The following KSR2 variants were observed in gnomAD, a reference collection of about 807,000 sequenced individuals.
KSR2 encodes kinase suppressor of ras 2.
A neutral mutation model predicts 107.8 loss-of-function variants in KSR2; 25 were observed. That is an observed-to-expected ratio of 0.23 (90% CI 0.17 to 0.32). The LOEUF is 0.32. KSR2 is among the 10% of genes least tolerant of loss of function. The pLI is 1.00. For synonymous variants in KSR2, 480 were observed against 507.0 expected, an observed-to-expected ratio of 0.95 and a Z score of 0.71; for missense variants, 887 against 1,268.9, an observed-to-expected ratio of 0.70 and a Z score of 4.57.
Position 117,466,745 on chromosome 12 carries a change from C to A in KSR2, c.*454G>T, listed in dbSNP as rs1871164363. The A allele has an allele frequency of 6.3e-6, 1 of 158,378 alleles. No individual in the cohort carries two copies. The highest frequency in any genetic ancestry group is 1.4e-5 in the Non-Finnish European group (1 of 72,008). 9.8% of individuals were successfully genotyped at this position (158,378 alleles called of 1,614,324 possible). ...TGGAACCTACCACATACAGACAGAA[C>A]TGAGGAGTGCCCCGTCATTGGGACA... On this transcript the variant is annotated 3_prime_UTR_variant, in exon 20 of 20. Coordinates refer to ENST00000339824, the MANE Select transcript of KSR2 (RefSeq NM_173598.6).
chr12:117,766,350 T>A (rs987906646), intron 3 of KSR2, among the ~76,000 whole-genome samples: 1 of 152,050 alleles, frequency 6.6e-6, no homozygotes, highest in African/African-American at 2.4e-5. Context: ...GAGGCAAATC[T>A]ATAGAGAAAG....
At chr12:117,870,019 T>C (rs375400101) in intron 1 of KSR2, among the ~76,000 whole-genome samples, 4 of 152,214 alleles carry the variant, frequency 2.6e-5, no homozygotes, top group African/African-American at 4.8e-5. Flanking sequence ...CACAGAGCTA[T>C]TGAAATGGGA....
chr12:117,692,656 G>A (rs1383111029), intron 4 of KSR2, among the ~76,000 whole-genome samples: 1 of 151,536 alleles, frequency 6.6e-6, no homozygotes, highest in Non-Finnish European at 1.5e-5. Context: ...CAACCCAAAT[G>A]TCCATCAACA....
intron 4 of KSR2, among the ~76,000 whole-genome samples, chr12:117,708,132 C>T (rs188745641): frequency 5.3e-5 from 8 of 152,304 alleles, no homozygotes; most frequent in Admixed American, 1.3e-4. Flanking sequence ...CATTCTTGAG[C>T]GTTTCATGTG....
intron 4 of KSR2, among the ~76,000 whole-genome samples, chr12:117,706,287 G>A (rs1010817963): frequency 3.3e-5 from 5 of 151,670 alleles, no homozygotes; most frequent in African/African-American, 9.7e-5. Context: ...CAGGTGATCC[G>A]CCTGCCTCGG....
intron 5 of KSR2, among the ~76,000 whole-genome samples, chr12:117,592,940 T>C (rs756876594): frequency 1.3e-4 from 20 of 152,228 alleles, no homozygotes; most frequent in Non-Finnish European, 7.3e-5. Context: ...TGAGACATGT[T>C]TGAAAACTTA....
intron 5 of KSR2, among the ~76,000 whole-genome samples, chr12:117,623,660 T>C (rs1882313798): frequency 6.6e-6 from 1 of 152,258 alleles, no homozygotes; most frequent in Admixed American, 6.5e-5. Flanking sequence ...TCCAAGTCTT[T>C]GCTATTGTGA....
At chr12:117,960,657 T>A (rs1444103477) in intron 1 of KSR2, among the ~76,000 whole-genome samples, 2 of 152,190 alleles carry the variant, frequency 1.3e-5, no homozygotes. Flanking sequence ...CATACCTAAC[T>A]GCAGGCATCT....
intron 5 of KSR2, among the ~76,000 whole-genome samples, chr12:117,586,863 C>CCAGAACAGG (rs1339195591): frequency 7.9e-5 from 12 of 152,090 alleles, no homozygotes; most frequent in Non-Finnish European, 1.5e-4. Context: ...CAAGTAAATG[C>CCAGAACAGG]CAGAACAGGG....
At chr12:117,492,534 G>T (rs557455706) in intron 14 of KSR2, among the ~76,000 whole-genome samples, 10 of 152,314 alleles carry the variant, frequency 6.6e-5, no homozygotes, top group African/African-American at 2.4e-4. Context: ...TGCATCTCAT[G>T]GGGGCACAGG....
At chr12:117,583,755 ACG>A (rs1445368551) in intron 5 of KSR2, among the ~76,000 whole-genome samples, 2 of 152,244 alleles carry the variant, frequency 1.3e-5, no homozygotes, top group East Asian at 3.9e-4. Context: ...CTGTGAAACA[ACG>A]GCAGCAAGGA....
chr12:117,484,524 C>T lies in KSR2; in HGVS notation c.2342G>A (p.Gly781Glu). ...TGACTTGAGGTCCTTGTGTAGGATT[C>T]CCTTGGCGTGGAGGTAGCCCATGCC... ...VKGMGYLHAK[G>E]ILHKDLKSKN... The change falls in exon 16 of 20, where the codon GGA becomes GAA. Residue 781 changes from glycine to glutamate, a missense_variant. Transcript: ENST00000339824. The T allele has an allele frequency of 3.7e-6, 6 of 1,613,954 alleles. No individual in the cohort carries two copies. Among genetic ancestry groups the T allele is most frequent in the Non-Finnish European group, 5.1e-6 (6 of 1,179,854 alleles).
intron 4 of KSR2, among the ~76,000 whole-genome samples, chr12:117,723,915 A>G (rs1244383823): frequency 2.6e-5 from 4 of 152,204 alleles, no homozygotes; most frequent in East Asian, 1.9e-4. Flanking sequence ...TCACATTTTG[A>G]TAAGTATTTT....
intron 5 of KSR2, among the ~76,000 whole-genome samples, chr12:117,644,958 C>T (rs1202399450): frequency 1.3e-5 from 2 of 152,162 alleles, no homozygotes; most frequent in Admixed American, 6.5e-5. Context: ...CGCTTGATTG[C>T]AACCCAGTTG....
At chr12:117,803,302 A>T (rs1757753450) in intron 3 of KSR2, among the ~76,000 whole-genome samples, 1 of 152,228 alleles carries the variant, frequency 6.6e-6, no homozygotes, top group Non-Finnish European at 1.5e-5. Flanking sequence ...TGAAGGCCAC[A>T]GAGAAAAGAG....
rs55981634 is a variant in KSR2 at position 117,636,952 on chromosome 12, TA to T, written c.1171+30521del. On this transcript the variant is annotated intron_variant, in intron 5 of 19. Transcript: ENST00000339824. ...TACTTTTTTAGTTTCTAAAAGTCAATAAAAAAAAAGAGAGGTAATTTAATAG... is the reference window on the plus strand; with the variant it reads ...TACTTTTTTAGTTTCTAAAAGTCAATAAAAAAAAGAGAGGTAATTTAATAG... 1.3e-3 allele frequency among the ~76,000 whole-genome samples: 196 copies of T among 149,440 alleles called. 3 individuals are homozygous for T. Among genetic ancestry groups the T allele is most frequent in the Middle Eastern group, 3.4e-3 (1 of 292 alleles).
At chr12:117,648,961 T>G (rs1354460560) in intron 5 of KSR2, among the ~76,000 whole-genome samples, 1 of 152,198 alleles carries the variant, frequency 6.6e-6, no homozygotes, top group Non-Finnish European at 1.5e-5. Flanking sequence ...CAGCTGAATG[T>G]CTACGCTGCC....
intron 16 of KSR2, among the ~76,000 whole-genome samples, chr12:117,478,956 T>C (rs10735107): frequency 0.5 from 75,262 of 151,908 alleles, 19,127 homozygotes; most frequent in South Asian, 0.76. Flanking sequence ...AGATAGAAAA[T>C]GTTTGTTCAT....
chr12:117,828,121 C>G (rs972385817), intron 3 of KSR2, among the ~76,000 whole-genome samples: 3 of 152,200 alleles, frequency 2.0e-5, no homozygotes, highest in African/African-American at 7.2e-5. Flanking sequence ...CCAGGGCCAT[C>G]ACCAAACTCC....
Sources: allele counts gnomAD v4.1 joint callset (sites outside exome capture counted in the v4.1 genomes callset), GRCh38; gene constraint gnomAD v4.1.1; transcripts MANE v1.5; gene names NCBI Gene and HGNC (gene_info 2026-07-23, HGNC 2026-07-21).